KHDRBS2: variants seen among roughly 807,000 people sequenced by gnomAD.
KHDRBS2 encodes KH RNA binding domain containing, signal transduction associated 2.
A neutral mutation model predicts 44.3 loss-of-function variants in KHDRBS2; 26 were observed. That is an observed-to-expected ratio of 0.59 (90% CI 0.43 to 0.81). The LOEUF (loss-of-function observed/expected upper bound fraction) is 0.81, where lower values mean the gene tolerates loss of function less well. Among genes scored for constraint, KHDRBS2 ranks in the 40% least tolerant of loss-of-function variants. The pLI is 0.00. For missense variants in KHDRBS2, 476 were observed against 433.1 expected, an observed-to-expected ratio of 1.10 and a Z score of -0.88; for synonymous variants, 194 against 151.1, an observed-to-expected ratio of 1.28 and a Z score of -2.08.
At chr6:62,032,735 A>G (rs899575163) in intron 3 of KHDRBS2, among the ~76,000 whole-genome samples, 2 of 152,032 alleles carry the variant, frequency 1.3e-5, no homozygotes, top group African/African-American at 4.8e-5. Context: ...AGCATTCTCA[A>G]GAAGGACAGG....
chr6:62,089,793 T>C lies in KHDRBS2; in HGVS notation c.220-41799A>G, dbSNP rs138875781. ...TTTTGTGTTGTTTTCTGTATCTATA[T>C]TTTAATTCACTCTGAAGTAATTACA... On this transcript the variant is annotated intron_variant, in intron 2 of 8. Coordinates refer to ENST00000281156, the MANE Select transcript of KHDRBS2 (RefSeq NM_152688.4). Among the ~76,000 whole-genome samples, 465 of 152,338 alleles carry C rather than the reference T, an allele frequency of 3.1e-3. 4 individuals are homozygous for C. The highest frequency in any genetic ancestry group is 4.6e-3 in the Non-Finnish European group (312 of 68,038).
intron 6 of KHDRBS2, among the ~76,000 whole-genome samples, chr6:61,807,811 CT>C (rs1283995586): frequency 2.0e-5 from 3 of 151,998 alleles, no homozygotes; most frequent in Non-Finnish European, 4.4e-5. Flanking sequence ...ACATGTACCC[CT>C]GAACCTAAAA....
chr6:61,947,913 A>AAAT (rs56372678), intron 4 of KHDRBS2, among the ~76,000 whole-genome samples: 15,855 of 142,902 alleles, frequency 0.11, 954 homozygotes, highest in African/African-American at 0.17. Context: ...CACACACACA[A>AAAT]AATAATAATA....
chr6:61,996,778 CCCT>C (rs1318361529), intron 3 of KHDRBS2, among the ~76,000 whole-genome samples: 2 of 150,418 alleles, frequency 1.3e-5, no homozygotes. Flanking sequence ...TCTCTTTTAC[CCCT>C]CCTCCCCCCC....
intron 8 of KHDRBS2, among the ~76,000 whole-genome samples, chr6:61,694,221 A>G (rs1284127917): frequency 6.6e-6 from 1 of 152,184 alleles, no homozygotes; most frequent in Non-Finnish European, 1.5e-5. Flanking sequence ...TCACTACAAC[A>G]TCTCTAAGAT....
chr6:61,570,081 T>G, the KHDRBS2 span, among the ~76,000 whole-genome samples: 3 of 151,912 alleles, frequency 2.0e-5, no homozygotes, highest in Non-Finnish European at 4.4e-5. Flanking sequence ...AGAAGAAATC[T>G]CTGTAGTTCT....
At chr6:61,847,179 T>C (rs1173156573) in intron 6 of KHDRBS2, among the ~76,000 whole-genome samples, 1 of 152,126 alleles carries the variant, frequency 6.6e-6, no homozygotes, top group African/African-American at 2.4e-5. Flanking sequence ...TAAGGACAAA[T>C]ACAATGAAAA....
intron 6 of KHDRBS2, among the ~76,000 whole-genome samples, chr6:61,792,199 C>T (rs1784723969): frequency 1.3e-5 from 2 of 151,486 alleles, no homozygotes; most frequent in Admixed American, 6.6e-5. Flanking sequence ...GACTTTACAA[C>T]ATTAGAACAT....
In KHDRBS2 at chr6:62,112,061, T is replaced by A. The variant is rs529707481; in HGVS notation, c.220-64067A>T. Reference sequence around the variant, plus strand: ...TTTACTGGAAATTATTTTTAACTGATACGTGAAAAATTAAGACCATAGTTC... The same window carrying A: ...TTTACTGGAAATTATTTTTAACTGAAACGTGAAAAATTAAGACCATAGTTC... On this transcript the variant is annotated intron_variant, in intron 2 of 8. Transcript: ENST00000281156. Among the ~76,000 whole-genome samples, 5 of 152,230 alleles carry A rather than the reference T, an allele frequency of 3.3e-5. No individual in the cohort carries two copies. In the South Asian group the frequency reaches 1.0e-3, roughly 32 times the overall value.
At chr6:61,649,566 T>C in the KHDRBS2 span, among the ~76,000 whole-genome samples, 1 of 152,152 alleles carries the variant, frequency 6.6e-6, no homozygotes, top group African/African-American at 2.4e-5. Flanking sequence ...GGGTGTCACA[T>C]AAATATCATG....
chr6:61,653,663 G>A, the KHDRBS2 span, among the ~76,000 whole-genome samples: 2 of 151,188 alleles, frequency 1.3e-5, no homozygotes, highest in Non-Finnish European at 2.9e-5. Context: ...TTCATAAAAC[G>A]CTCTATGGAG....
At chr6:61,620,914 A>C in the KHDRBS2 span, among the ~76,000 whole-genome samples, 1 of 152,134 alleles carries the variant, frequency 6.6e-6, no homozygotes. Context: ...TATATGTTAG[A>C]TCTGCATTGC....
chr6:62,172,018 A>G (rs1329602355), intron 2 of KHDRBS2, among the ~76,000 whole-genome samples: 1 of 152,180 alleles, frequency 6.6e-6, no homozygotes, highest in Non-Finnish European at 1.5e-5. Flanking sequence ...CAACTACACA[A>G]TCAAGTCTGC....
At chr6:62,175,454 C>T (rs1279511058) in intron 2 of KHDRBS2, among the ~76,000 whole-genome samples, 3 of 151,368 alleles carry the variant, frequency 2.0e-5, no homozygotes, top group Non-Finnish European at 4.4e-5. Context: ...AATGGTTCAC[C>T]GAAAATGAAG....
At position 62,010,025 on chromosome 6, in the gene KHDRBS2, G is replaced by A. The variant is rs1780005520; in HGVS notation, c.337-31813C>T. On this transcript the variant is annotated intron_variant, in intron 3 of 8. Transcript: ENST00000281156. ...CGTCCTCCAGATCCCAGAATGGTAGGTCCATTGACAGCTTGTACCATGAGC... is the reference window on the plus strand; with the variant it reads ...CGTCCTCCAGATCCCAGAATGGTAGATCCATTGACAGCTTGTACCATGAGC... Among the ~76,000 whole-genome samples, 4 of 152,040 alleles carry A rather than the reference G, an allele frequency of 2.6e-5. No homozygotes were observed. In the South Asian group the frequency reaches 8.3e-4, roughly 32 times the overall value.
Position 61,782,487 on chromosome 6 carries a change from G to A in KHDRBS2, c.811-49723C>T, listed in dbSNP as rs1009006755. Among the ~76,000 whole-genome samples, 20 of 151,672 alleles carry A rather than the reference G, an allele frequency of 1.3e-4. No individual in the cohort carries two copies. The South Asian group carries it at 1.5e-3, about 11-fold the overall frequency. On this transcript the variant is annotated intron_variant, in intron 6 of 8. Transcript: ENST00000281156. ...GTTTAATATGATTTATATAAATACA[G>A]ACAAATCTAAATCTCAATAAACGAT...
chr6:61,581,909 G>T, the KHDRBS2 span, among the ~76,000 whole-genome samples: 342 of 151,522 alleles, frequency 2.3e-3, 2 homozygotes, highest in Non-Finnish European at 4.0e-3. Context: ...AGAAAAATTA[G>T]AAATTATAGC....
chr6:62,094,154 C>T (rs568091448), intron 2 of KHDRBS2, among the ~76,000 whole-genome samples: 1 of 151,920 alleles, frequency 6.6e-6, no homozygotes, highest in South Asian at 2.1e-4. Flanking sequence ...CCAATTCCAC[C>T]AGTAGTGTGT....
chr6:62,149,582 T>C (rs1814658731), intron 2 of KHDRBS2, among the ~76,000 whole-genome samples: 1 of 152,182 alleles, frequency 6.6e-6, no homozygotes, highest in Non-Finnish European at 1.5e-5. Flanking sequence ...CTGGTGTTTG[T>C]TGTTCCACTG....
Sources: gnomAD v4.1 joint callset for allele counts (sites outside exome capture counted in the v4.1 genomes callset) on GRCh38, gnomAD v4.1.1 for gene constraint, MANE v1.5 for transcripts, NCBI Gene and HGNC (gene_info 2026-07-23, HGNC 2026-07-21) for gene names.